CTNNA3: variants seen among roughly 807,000 people sequenced by gnomAD.
The protein encoded by CTNNA3 is catenin alpha-3.
A neutral mutation model predicts 95.7 loss-of-function variants in CTNNA3; 76 were observed. That is an observed-to-expected ratio of 0.79 (90% CI 0.66 to 0.96). The LOEUF is 0.96. CTNNA3 is among the 40% of genes least tolerant of loss of function. The pLI is 0.00. For synonymous variants in CTNNA3, 431 were observed against 374.4 expected, an observed-to-expected ratio of 1.15 and a Z score of -1.74; for missense variants, 1,191 against 1,089.8, an observed-to-expected ratio of 1.09 and a Z score of -1.31.
At chr10:67,593,331 A>T (rs1842840864) in intron 3 of CTNNA3, among the ~76,000 whole-genome samples, 1 of 152,032 alleles carries the variant, frequency 6.6e-6, no homozygotes, top group African/African-American at 2.4e-5. Flanking sequence ...TTGGATATAT[A>T]TGTAAATTGC....
At chr10:66,382,056 C>G (rs1372237749) in intron 11 of CTNNA3, among the ~76,000 whole-genome samples, 1 of 151,988 alleles carries the variant, frequency 6.6e-6, no homozygotes, top group Non-Finnish European at 1.5e-5. Flanking sequence ...ACTGAAGTAC[C>G]TGGTTCATCT....
At chr10:67,018,304 C>T (rs1286786137) in intron 7 of CTNNA3, among the ~76,000 whole-genome samples, 3 of 152,160 alleles carry the variant, frequency 2.0e-5, no homozygotes, top group African/African-American at 4.8e-5. Flanking sequence ...TTACTCTTCG[C>T]TTTCACCCAT....
At chr10:66,000,325 T>C (rs897813722) in intron 15 of CTNNA3, among the ~76,000 whole-genome samples, 2 of 152,152 alleles carry the variant, frequency 1.3e-5, no homozygotes, top group Non-Finnish European at 2.9e-5. Context: ...CTTTCTCTTT[T>C]GATTAAAACG....
chr10:66,081,613 T>C (rs2080765928), intron 14 of CTNNA3, among the ~76,000 whole-genome samples: 1 of 152,162 alleles, frequency 6.6e-6, no homozygotes, highest in Non-Finnish European at 1.5e-5. Context: ...TTCATAGTGA[T>C]ATAAATAAAT....
At chr10:67,420,914 TTTG>T (rs945209898) in intron 5 of CTNNA3, among the ~76,000 whole-genome samples, 6 of 152,142 alleles carry the variant, frequency 3.9e-5, no homozygotes, top group African/African-American at 1.2e-4. Context: ...ACTTAATAGT[TTTG>T]TTGTTGTTGT....
chr10:66,252,855 G>A (rs575326045), intron 13 of CTNNA3, among the ~76,000 whole-genome samples: 2 of 152,198 alleles, frequency 1.3e-5, no homozygotes, highest in South Asian at 4.1e-4. Context: ...CTGCATTTTT[G>A]TTTTAAATCG....
At chr10:66,503,295 T>A (rs536151700) in intron 11 of CTNNA3, among the ~76,000 whole-genome samples, 17 of 152,276 alleles carry the variant, frequency 1.1e-4, no homozygotes, top group Admixed American at 5.2e-4. Context: ...TCCTATCACC[T>A]AGTAGGTGCT....
rs572221458 is a variant in CTNNA3, at chr10:67,552,976, T to C, written c.293-13307A>G. Among the ~76,000 whole-genome samples the C allele has an allele frequency of 2.0e-5, 3 of 152,306 alleles. No individual in the cohort carries two copies. In the East Asian group the frequency reaches 5.8e-4, roughly 29 times the overall value. On this transcript the variant is annotated intron_variant, in intron 3 of 17. Coordinates refer to ENST00000433211, the MANE Select transcript of CTNNA3 (RefSeq NM_013266.4). ...ATCAATTTTTTTCTTTGGCCCTTTT[T>C]TAACCCCGTTTTTTTACCACCCAAT...
At chr10:66,007,077 C>T (rs150201483) in intron 15 of CTNNA3, among the ~76,000 whole-genome samples, 22 of 152,108 alleles carry the variant, frequency 1.4e-4, no homozygotes, top group African/African-American at 4.6e-4. Flanking sequence ...TTTAGGACAC[C>T]GTAAAGCTTA....
At chr10:67,097,287 G>A (rs564643505) in intron 7 of CTNNA3, among the ~76,000 whole-genome samples, 4 of 151,982 alleles carry the variant, frequency 2.6e-5, no homozygotes, top group African/African-American at 9.6e-5. Flanking sequence ...CCCAGTTAGC[G>A]AAAGCAATTT....
chr10:67,071,785 A>G (rs1856480243), intron 7 of CTNNA3, among the ~76,000 whole-genome samples: 1 of 152,142 alleles, frequency 6.6e-6, no homozygotes, highest in East Asian at 1.9e-4. Flanking sequence ...CCATTTACAC[A>G]ATATCTAATT....
At chr10:66,705,151 CT>C (rs1359035042) in intron 9 of CTNNA3, among the ~76,000 whole-genome samples, 3 of 151,904 alleles carry the variant, frequency 2.0e-5, no homozygotes, top group African/African-American at 7.3e-5. Context: ...TAATTTGTTA[CT>C]ATGGTAACCT....
chr10:65,933,979 T>C (rs2077295141), intron 17 of CTNNA3, among the ~76,000 whole-genome samples: 1 of 152,140 alleles, frequency 6.6e-6, no homozygotes, highest in African/African-American at 2.4e-5. Context: ...TCTTACTTCT[T>C]AAGTGATGGT....
intron 12 of CTNNA3, among the ~76,000 whole-genome samples, chr10:66,366,963 CA>C (rs987280810): frequency 6.6e-6 from 1 of 151,976 alleles, no homozygotes; most frequent in Non-Finnish European, 1.5e-5. Context: ...AAAGGGTTTG[CA>C]AAATTCTATG....
chr10:67,000,787 T>C (rs1355028988), intron 7 of CTNNA3, among the ~76,000 whole-genome samples: 1 of 152,100 alleles, frequency 6.6e-6, no homozygotes, highest in Non-Finnish European at 1.5e-5. Context: ...GGGGAGCGCA[T>C]TATGAAGAGT....
intron 9 of CTNNA3, among the ~76,000 whole-genome samples, chr10:66,682,436 T>G (rs987075744): frequency 1.3e-5 from 2 of 152,088 alleles, no homozygotes; most frequent in African/African-American, 4.8e-5. Flanking sequence ...CTGACCTGGA[T>G]GGCTACAGAT....
At position 66,024,221 on chromosome 10, in the gene CTNNA3, C is replaced by G. The variant is rs558183848; in HGVS notation, c.2160-35424G>C. ...TCTCCTACGCCAGCCTCTCAAGTAGCTGGGACTACAGGCGACCGCCACCAC... is the reference window on the plus strand; with the variant it reads ...TCTCCTACGCCAGCCTCTCAAGTAGGTGGGACTACAGGCGACCGCCACCAC... On this transcript the variant is annotated intron_variant, in intron 15 of 17. Coordinates refer to ENST00000433211, the MANE Select transcript of CTNNA3 (RefSeq NM_013266.4). 3.3e-4 allele frequency among the ~76,000 whole-genome samples: 50 copies of G among 150,970 alleles called. 1 individual carries two copies. The East Asian group carries it at 9.6e-3, about 29-fold the overall frequency.
intron 5 of CTNNA3, among the ~76,000 whole-genome samples, chr10:67,263,466 A>T (rs756342227): frequency 1.6e-4 from 25 of 152,252 alleles, no homozygotes; most frequent in Non-Finnish European, 2.8e-4. Context: ...TGACAGTCCA[A>T]GGGGTATATT....
At chr10:67,186,726 C>T (rs1050440788) in intron 6 of CTNNA3, among the ~76,000 whole-genome samples, 2 of 152,092 alleles carry the variant, frequency 1.3e-5, no homozygotes, top group African/African-American at 4.8e-5. Flanking sequence ...GAAAGACAAT[C>T]AATAGGATAT....
Sources: gnomAD v4.1 joint callset for allele counts (sites outside exome capture counted in the v4.1 genomes callset) on GRCh38, gnomAD v4.1.1 for gene constraint, MANE v1.5 for transcripts, NCBI Gene and HGNC (gene_info 2026-07-23, HGNC 2026-07-21) for gene names.